Variants in PCDHGA3 observed in about 807,000 individuals in gnomAD.
The protein encoded by PCDHGA3 is protocadherin gamma-A3.
PCDHGA3 carries 40 observed loss-of-function variants against 58.5 expected under a neutral mutation model. The observed-to-expected ratio is 0.68, with a 90% confidence interval of 0.53 to 0.89. The LOEUF (loss-of-function observed/expected upper bound fraction) is 0.89, where lower values mean the gene tolerates loss of function less well. Ranked by LOEUF, PCDHGA3 falls within the 40% of genes least tolerant of loss-of-function variation. PCDHGA3 has a pLI of 0.00. For missense variants in PCDHGA3, 1,223 were observed against 1,195.9 expected, an observed-to-expected ratio of 1.02 and a Z score of -0.33; for synonymous variants, 530 against 525.7, an observed-to-expected ratio of 1.01 and a Z score of -0.11.
intron 1 of PCDHGA3, among the ~76,000 whole-genome samples, chr5:141,483,889 CT>C (rs1298469461): frequency 6.6e-6 from 1 of 151,866 alleles, no homozygotes; most frequent in Admixed American, 6.6e-5. Flanking sequence ...TTCTATTTCT[CT>C]GAGCTCTGGT....
At position 141,476,518 on chromosome 5, in the gene PCDHGA3, T is replaced by C; in HGVS notation, c.2425-18289T>C. 1 of 1,614,214 alleles carries C rather than the reference T, an allele frequency of 6.2e-7. No individual in the cohort carries two copies. Among genetic ancestry groups the C allele is most frequent in the Non-Finnish European group, 8.5e-7 (1 of 1,180,038 alleles). ...AGGACATCAACGACAACAATCCTGC[T>C]TTCCCTACCCAGGAAATGAAATTGG... is the stretch of plus-strand genomic sequence containing the variant. On this transcript the variant is annotated intron_variant, in intron 1 of 3. Transcript: ENST00000253812. This position sits in a 1 kb window ranked among gnomAD's most constrained non-coding sequence, Gnocchi z 7.6.
rs868008554 is a variant in PCDHGA3, at chr5:141,431,417, C to T, written c.2425-63390C>T. 1 of 1,613,666 alleles carries T rather than the reference C, an allele frequency of 6.2e-7. No homozygotes were observed. Among genetic ancestry groups the T allele is most frequent in the South Asian group, 1.1e-5 (1 of 91,082 alleles). ...CCTTACGGCCTCCGACGGGGGCGAC[C>T]CGGTGCGCACAGGCACCGCGCGCAT... On this transcript the variant is annotated intron_variant, in intron 1 of 3. Transcript: ENST00000253812. This position sits in a 1 kb window ranked among gnomAD's most constrained non-coding sequence, Gnocchi z 4.8.
intron 1 of PCDHGA3, chr5:141,352,441 C>A: frequency 6.2e-7 from 1 of 1,614,054 alleles, no homozygotes; most frequent in South Asian, 1.1e-5. Flanking sequence ...AAACCGGTCT[C>A]TGCTCCAAGT....
At chr5:141,357,570 T>C in intron 1 of PCDHGA3, 1 of 1,614,214 alleles carries the variant, frequency 6.2e-7, no homozygotes, top group Non-Finnish European at 8.5e-7. Flanking sequence ...AAAGCGAGCC[T>C]CTTCTGATAA....
rs1757548460 is a variant in PCDHGA3, at chr5:141,345,287, T to C, written c.1254T>C (p.Tyr418=). Reference sequence around the variant, plus strand: ...TGGACCGCGAACAAATATCAGAATATAACATTAGTCTGAGAGCCTCAGATG... The same window carrying C: ...TGGACCGCGAACAAATATCAGAATACAACATTAGTCTGAGAGCCTCAGATG... The part of the protein sequence containing the change: ...TSLDREQISE[Y]NISLRASDGG... Residue 418 remains tyrosine (Y), a synonymous_variant, in exon 1 of 4, where the codon TAT becomes TAC. Coordinates refer to ENST00000253812, the MANE Select transcript of PCDHGA3 (RefSeq NM_018916.4). The C allele has an allele frequency of 1.2e-6, 2 of 1,613,954 alleles. No homozygotes were observed. Among genetic ancestry groups the C allele is most frequent in the East Asian group, 4.5e-5 (2 of 44,882 alleles).
In PCDHGA3 at chr5:141,365,839, C is replaced by A. The variant is rs1212060265; in HGVS notation, c.2424+19382C>A. ...CATTTCAGGGGGCGCCCTTGTCCTC[C>A]TATGTATCCATTAACTCTGACACCG... On this transcript the variant is annotated intron_variant, in intron 1 of 3. Transcript: ENST00000253812. The A allele has an allele frequency of 1.9e-6, 3 of 1,613,840 alleles. No homozygotes were observed. The African/African-American group carries it at 4.0e-5, about 22-fold the overall frequency.
intron 1 of PCDHGA3, chr5:141,384,877 C>T (rs2150276041): frequency 6.2e-7 from 1 of 1,613,844 alleles, no homozygotes; most frequent in African/African-American, 1.3e-5. Context: ...CACCGTCACA[C>T]TCACCGTGGC....
intron 1 of PCDHGA3, chr5:141,478,825 T>G: frequency 1.4e-6 from 2 of 1,441,878 alleles, no homozygotes; most frequent in East Asian, 5.0e-5. Context: ...TAACCAATCT[T>G]GCTAAGGGAT....
At chr5:141,430,628 C>A in intron 1 of PCDHGA3, 2 of 798,952 alleles carry the variant, frequency 2.5e-6, no homozygotes, top group Non-Finnish European at 3.7e-6. Context: ...TAGGAATGAA[C>A]CATCCCTGGG....
At chr5:141,372,589 G>A in intron 1 of PCDHGA3, 1 of 1,614,030 alleles carries the variant, frequency 6.2e-7, no homozygotes, top group Non-Finnish European at 8.5e-7. Context: ...CCTGGTGTCT[G>A]CTTCAAGACT....
At chr5:141,360,185 T>C in intron 1 of PCDHGA3, 2 of 1,611,370 alleles carry the variant, frequency 1.2e-6, no homozygotes, top group Non-Finnish European at 1.7e-6. Context: ...CTGCAGGTAC[T>C]GTTGCCCTTC....
chr5:141,406,331 C>T lies in PCDHGA3; in HGVS notation c.2424+59874C>T, dbSNP rs577134835. 6.6e-5 allele frequency among the ~76,000 whole-genome samples: 10 copies of T among 152,002 alleles called. No homozygotes were observed. In the East Asian group the frequency reaches 1.3e-3, roughly 21 times the overall value. ...CTCACCCAGCAAATTCTTACTCCTA[C>T]GATCATTTATTCAGGTCATACTATG... On this transcript the variant is annotated intron_variant, in intron 1 of 3. Coordinates refer to ENST00000253812, the MANE Select transcript of PCDHGA3 (RefSeq NM_018916.4).
At chr5:141,509,376 C>A (rs2099876528) in intron 3 of PCDHGA3, among the ~76,000 whole-genome samples, 1 of 152,122 alleles carries the variant, frequency 6.6e-6, no homozygotes, top group African/African-American at 2.4e-5. Flanking sequence ...TTAACTGTCT[C>A]CTAACCACAG....
rs762738990 is a variant in PCDHGA3, at chr5:141,404,672, G to C, written c.2424+58215G>C. 8.0e-5 allele frequency: 129 copies of C among 1,614,038 alleles called. 1 individual carries two copies. The South Asian group carries it at 1.4e-3, about 18-fold the overall frequency. ...TGCCCTCCCCACTGATGGTTCTACT[G>C]GTGTGGAGCTGGCACCCCGCTCTGC... On this transcript the variant is annotated intron_variant, in intron 1 of 3. Coordinates refer to ENST00000253812, the MANE Select transcript of PCDHGA3 (RefSeq NM_018916.4).
Position 141,476,241 on chromosome 5 carries a change from A to G in PCDHGA3, c.2425-18566A>G, listed in dbSNP as rs375405507. ...CACTATGAGATCCCGGAGGAAAGAG[A>G]GAAGGGTTTCGCTGTGGGCAACGTG... On this transcript the variant is annotated intron_variant, in intron 1 of 3. Transcript: ENST00000253812. The surrounding 1 kb of genome is among the most constrained non-coding windows in gnomAD (Gnocchi z 7.6). 3.7e-6 allele frequency: 6 copies of G among 1,613,626 alleles called. No homozygotes were observed. The highest frequency in any genetic ancestry group is 2.2e-5 in the East Asian group (1 of 44,834).
chr5:141,383,979 A>C (rs1388219452), intron 1 of PCDHGA3: 1 of 1,613,678 alleles, frequency 6.2e-7, no homozygotes, highest in Non-Finnish European at 8.5e-7. Context: ...CTGAAGACAC[A>C]CCTCTTGGGA....
At chr5:141,423,755 GGGGGGT>G in intron 1 of PCDHGA3, 4 of 512,470 alleles carry the variant, frequency 7.8e-6, no homozygotes, top group Non-Finnish European at 1.0e-5. Context: ...CTGTTTGGGG[GGGGGGT>G]GGGGCGGCAT....
intron 1 of PCDHGA3, chr5:141,374,277 G>C: frequency 1.2e-6 from 2 of 1,613,958 alleles, no homozygotes; most frequent in African/African-American, 1.3e-5. Context: ...CACGGAGTCC[G>C]CATCGTCTCC....
chr5:141,412,346 T>C (rs1489657145), intron 1 of PCDHGA3: 1 of 152,238 alleles, frequency 6.6e-6, no homozygotes, highest in African/African-American at 2.4e-5. Flanking sequence ...TATGTTCATT[T>C]TAGTTTGTGA....
Sources: allele counts gnomAD v4.1 joint callset (sites outside exome capture counted in the v4.1 genomes callset), GRCh38; gene constraint gnomAD v4.1.1; non-coding constraint Gnocchi (gnomAD v3.1); transcripts MANE v1.5; gene names NCBI Gene and HGNC (gene_info 2026-07-23, HGNC 2026-07-21).